KCNAB1: variants seen among roughly 807,000 people sequenced by gnomAD.
The protein encoded by KCNAB1 is potassium voltage-gated channel subfamily A regulatory beta subunit 1, also known as voltage-gated potassium channel subunit beta-1.
In KCNAB1, 35 loss-of-function variants were observed where a neutral mutation model predicts 64.6. The observed-to-expected ratio is 0.54, with a 90% confidence interval of 0.41 to 0.72. The LOEUF is 0.72. KCNAB1 is among the 30% of genes least tolerant of loss of function. The pLI is 0.00. For missense variants in KCNAB1, 401 were observed against 512.9 expected (o/e 0.78, Z 2.11); for synonymous variants, 177 against 183.8 (o/e 0.96, Z 0.30).
chr3:156,193,884 T>C (rs762209446), intron 1 of KCNAB1, among the ~76,000 whole-genome samples: 1 of 152,220 alleles, frequency 6.6e-6, no homozygotes, highest in Non-Finnish European at 1.5e-5. Flanking sequence ...CAACCTATGA[T>C]ATTTTTAACT....
At chr3:156,432,519 A>G (rs902186175) in intron 2 of KCNAB1, among the ~76,000 whole-genome samples, 5 of 152,218 alleles carry the variant, frequency 3.3e-5, no homozygotes, top group Non-Finnish European at 5.9e-5. Context: ...AATTACAATT[A>G]GAGGAAAAAG....
At chr3:156,502,901 T>C (rs1716545798) in intron 8 of KCNAB1, among the ~76,000 whole-genome samples, 1 of 152,200 alleles carries the variant, frequency 6.6e-6, no homozygotes, top group Non-Finnish European at 1.5e-5. Flanking sequence ...CTTAGGTTTG[T>C]TTGTTTGTTT....
At chr3:156,344,926 C>T (rs1015233093) in intron 1 of KCNAB1, among the ~76,000 whole-genome samples, 2 of 152,186 alleles carry the variant, frequency 1.3e-5, no homozygotes, top group African/African-American at 4.8e-5. Context: ...CCAGAGTTCA[C>T]ATTCTAAATA....
chr3:156,202,876 C>T (rs1714428909), intron 1 of KCNAB1, among the ~76,000 whole-genome samples: 1 of 152,154 alleles, frequency 6.6e-6, no homozygotes, highest in Non-Finnish European at 1.5e-5. Flanking sequence ...AACCTCCTTA[C>T]ATTACTGAAA....
intron 1 of KCNAB1, among the ~76,000 whole-genome samples, chr3:156,185,804 G>A (rs1713151516): frequency 1.3e-5 from 2 of 152,032 alleles, no homozygotes. Flanking sequence ...TTTTTAAAAA[G>A]AGGAAGAGTG....
chr3:156,269,913 CTT>C (rs34741042), intron 1 of KCNAB1, among the ~76,000 whole-genome samples: 16,781 of 113,872 alleles, frequency 0.15, 631 homozygotes, highest in African/African-American at 0.18. Context: ...CCGGGGCTTG[CTT>C]TTTTTTTTTT....
Position 156,536,937 on chromosome 3 carries a change from A to C in KCNAB1, c.*190A>C, listed in dbSNP as rs72558057. The C allele has an allele frequency of 8.4e-6, 5 of 594,754 alleles. No homozygotes were observed. The highest frequency in any genetic ancestry group is 1.5e-5 in the Non-Finnish European group (5 of 334,384). The allele number at this position is 594,754 out of a possible 1,614,324, so 36.8% of individuals were successfully genotyped here. A position where few individuals can be genotyped will look rare whatever the true frequency, so the allele number is the denominator to read the frequency against. On this transcript the variant is annotated 3_prime_UTR_variant, in exon 14 of 14. Coordinates refer to ENST00000490337, the MANE Select transcript of KCNAB1 (RefSeq NM_172160.3). ...CATCTGAAAACTCACAACCAAGAAA[A>C]TCCATTCTATTTTCTTATCTTGGAC...
intron 1 of KCNAB1, among the ~76,000 whole-genome samples, chr3:156,375,965 G>A (rs533485597): frequency 6.7e-4 from 102 of 152,242 alleles, no homozygotes; most frequent in Admixed American, 1.3e-3. Context: ...GATTAAAGGC[G>A]CATGCCAACA....
At chr3:156,529,406 G>T (rs536031633) in intron 12 of KCNAB1, among the ~76,000 whole-genome samples, 2 of 151,796 alleles carry the variant, frequency 1.3e-5, no homozygotes, top group African/African-American at 4.8e-5. Context: ...AAAAATGATG[G>T]TTGGTAAATT....
chr3:156,165,705 G>A (rs1489306190), intron 1 of KCNAB1, among the ~76,000 whole-genome samples: 6 of 152,146 alleles, frequency 3.9e-5, no homozygotes. Context: ...GTTATAGTTA[G>A]TGTTTTTATA....
chr3:156,354,120 GTA>G (rs34730584), intron 1 of KCNAB1, among the ~76,000 whole-genome samples: 36,863 of 132,242 alleles, frequency 0.28, 4,919 homozygotes, highest in African/African-American at 0.33. Context: ...ATGTGTGTGT[GTA>G]TATATATATA....
chr3:156,258,237 C>CT (rs1040636489), intron 1 of KCNAB1, among the ~76,000 whole-genome samples: 1 of 152,164 alleles, frequency 6.6e-6, no homozygotes, highest in African/African-American at 2.4e-5. Context: ...GGAGGAGCGT[C>CT]TATCTTACCT....
At chr3:156,394,685 T>A (rs1713297377) in intron 1 of KCNAB1, among the ~76,000 whole-genome samples, 1 of 152,254 alleles carries the variant, frequency 6.6e-6, no homozygotes, top group Admixed American at 6.5e-5. Flanking sequence ...GCCTTCATGT[T>A]ACCCTCAGCA....
chr3:156,160,226 G>T (rs78366465), intron 1 of KCNAB1, among the ~76,000 whole-genome samples: 2,647 of 152,262 alleles, frequency 0.017, 48 homozygotes, highest in South Asian at 0.031. Context: ...TTTAGAGACA[G>T]GCAGATCTGC....
chr3:156,193,028 A>G (rs571131428), intron 1 of KCNAB1, among the ~76,000 whole-genome samples: 1 of 152,236 alleles, frequency 6.6e-6, no homozygotes, highest in South Asian at 2.1e-4. Flanking sequence ...GGTTGGATTT[A>G]AATCTACCAT....
At chr3:156,241,021 A>G (rs115778379) in intron 1 of KCNAB1, among the ~76,000 whole-genome samples, 13 of 152,260 alleles carry the variant, frequency 8.5e-5, no homozygotes, top group African/African-American at 3.1e-4. Flanking sequence ...GTATTTGTAT[A>G]CCAGTTTCTA....
rs1415580839 is a variant in KCNAB1, at chr3:156,452,374, A to G, written c.320-525A>G. ...ATTCTGGAATGGCAGGTTATGACAG[A>G]GAAGGCACATAAGTGTCACCTCCTG... On this transcript the variant is annotated intron_variant, in intron 2 of 13. Transcript: ENST00000490337. The surrounding 1 kb of genome is among the most constrained non-coding windows in gnomAD (Gnocchi z 4.6). Among the ~76,000 whole-genome samples, 1 of 152,246 alleles carries G rather than the reference A, an allele frequency of 6.6e-6. No homozygotes were observed. Among genetic ancestry groups the G allele is most frequent in the African/African-American group, 2.4e-5 (1 of 41,462 alleles).
chr3:156,322,208 AC>A (rs1376356242), intron 1 of KCNAB1, among the ~76,000 whole-genome samples: 1 of 152,200 alleles, frequency 6.6e-6, no homozygotes, highest in East Asian at 1.9e-4. Flanking sequence ...GATGAAGGAA[AC>A]CACCAACAGA....
At position 156,340,132 on chromosome 3, in the gene KCNAB1, A is replaced by G. The variant is rs79037543; in HGVS notation, c.276-81484A>G. Among the ~76,000 whole-genome samples the G allele has an allele frequency of 7.6e-3, 1,151 of 152,298 alleles. 10 individuals are homozygous for G. The highest frequency in any genetic ancestry group is 0.027 in the African/African-American group (1,103 of 41,562). ...ATTTCTGAGGGATCCACAGAGAATC[A>G]TACATAGCTTTTTGCCTGGATATCA... On this transcript the variant is annotated intron_variant, in intron 1 of 13. Transcript: ENST00000490337.
Sources: allele counts gnomAD v4.1 joint callset (sites outside exome capture counted in the v4.1 genomes callset), GRCh38; gene constraint gnomAD v4.1.1; non-coding constraint Gnocchi (gnomAD v3.1); transcripts MANE v1.5; gene names NCBI Gene and HGNC (gene_info 2026-07-23, HGNC 2026-07-21).